Variants in RGS6 observed in about 807,000 individuals in gnomAD.
The protein encoded by RGS6 is regulator of G protein signaling 6.
In RGS6, 30 loss-of-function variants were observed where a neutral mutation model predicts 78.5. The ratio of observed to expected loss-of-function variants is 0.38; its 90% CI spans 0.29 to 0.52. The LOEUF is 0.52. RGS6 is among the 20% of genes least tolerant of loss of function. The probability of loss-of-function intolerance (pLI) is 0.85; values close to 1 mark genes in which losing one functional copy is unlikely to be tolerated. For synonymous variants in RGS6, 206 were observed against 206.0 expected, an observed-to-expected ratio of 1.00 and a Z score of 0.00; for missense variants, 495 against 609.7, an observed-to-expected ratio of 0.81 and a Z score of 1.98.
At chr14:72,103,854 G>A (rs963307193) in intron 2 of RGS6, among the ~76,000 whole-genome samples, 3 of 152,170 alleles carry the variant, frequency 2.0e-5, no homozygotes, top group Non-Finnish European at 2.9e-5. Context: ...AAGGGTGGAG[G>A]AAACAGAGGT....
intron 2 of RGS6, among the ~76,000 whole-genome samples, chr14:72,246,267 A>G (rs2054187205): frequency 6.6e-6 from 1 of 152,190 alleles, no homozygotes; most frequent in Non-Finnish European, 1.5e-5. Context: ...TTGTGTCTCT[A>G]AGCCCTGTGA....
At chr14:72,382,947 G>A (rs993104877) in intron 3 of RGS6, among the ~76,000 whole-genome samples, 5 of 151,808 alleles carry the variant, frequency 3.3e-5, no homozygotes, top group Non-Finnish European at 7.4e-5. Flanking sequence ...ACTTTTGTGG[G>A]GAAAGTAGAC....
At chr14:72,542,619 C>T (rs2097341667) in intron 17 of RGS6, among the ~76,000 whole-genome samples, 1 of 152,114 alleles carries the variant, frequency 6.6e-6, no homozygotes, top group Non-Finnish European at 1.5e-5. Flanking sequence ...GCTCACGGAC[C>T]AAAGACGTGA....
intron 2 of RGS6, among the ~76,000 whole-genome samples, chr14:72,022,670 T>C (rs757898003): frequency 6.6e-6 from 1 of 151,706 alleles, no homozygotes; most frequent in Non-Finnish European, 1.5e-5. Context: ...TCACATACCC[T>C]GCTGTGGAGC....
At chr14:72,184,551 TACA>T (rs1447961988) in intron 2 of RGS6, among the ~76,000 whole-genome samples, 2 of 152,228 alleles carry the variant, frequency 1.3e-5, no homozygotes, top group African/African-American at 4.8e-5. Flanking sequence ...ACTCATTATG[TACA>T]AGTAAACTAT....
At chr14:72,042,900 T>C (rs1379414305) in intron 2 of RGS6, among the ~76,000 whole-genome samples, 1 of 152,180 alleles carries the variant, frequency 6.6e-6, no homozygotes, top group African/African-American at 2.4e-5. Flanking sequence ...ATAAATGATT[T>C]TAGAACTTTT....
rs960657520 is a variant in RGS6 at position 72,189,051 on chromosome 14, C to T, written c.85-163044C>T. Among the ~76,000 whole-genome samples the T allele has an allele frequency of 6.6e-5, 10 of 152,162 alleles. No homozygotes were observed. In the East Asian group the frequency reaches 1.7e-3, roughly 26 times the overall value. ...ATGGCCTAATACAGGTGTTAGCAAACATTTCCCGTACAGGCTCAGATAGTA... is the reference window on the plus strand; with the variant it reads ...ATGGCCTAATACAGGTGTTAGCAAATATTTCCCGTACAGGCTCAGATAGTA... On this transcript the variant is annotated intron_variant, in intron 2 of 17. Transcript: ENST00000553525.
chr14:72,497,628 A>T (rs377120958), intron 13 of RGS6, among the ~76,000 whole-genome samples: 12 of 152,286 alleles, frequency 7.9e-5, no homozygotes, highest in East Asian at 3.9e-4. Context: ...TAGTGAAGTT[A>T]CCTTTGCCTC....
chr14:72,511,818 T>C, intron 14 of RGS6: 2 of 152,342 alleles, frequency 1.3e-5, no homozygotes, highest in Middle Eastern at 6.8e-3. Context: ...CCAGACAAGG[T>C]TGAGTATCTT....
At chr14:72,439,556 G>T (rs1479591790) in intron 3 of RGS6, among the ~76,000 whole-genome samples, 1 of 152,202 alleles carries the variant, frequency 6.6e-6, no homozygotes, top group Non-Finnish European at 1.5e-5. Context: ...ACAAAGCTTA[G>T]CTCTACAAGG....
At chr14:72,591,865 T>C in the RGS6 span, among the ~76,000 whole-genome samples, 5 of 152,162 alleles carry the variant, frequency 3.3e-5, no homozygotes, top group Admixed American at 2.0e-4. Context: ...ACCGTGGACA[T>C]CCTTGGTGGA....
chr14:72,112,132 T>C (rs530970417), intron 2 of RGS6, among the ~76,000 whole-genome samples: 5 of 152,300 alleles, frequency 3.3e-5, no homozygotes, highest in Middle Eastern at 3.4e-3. Context: ...TGGTGGCATT[T>C]ACCATGTTGA....
chr14:72,238,084 G>T (rs1207495607), intron 2 of RGS6, among the ~76,000 whole-genome samples: 3 of 152,160 alleles, frequency 2.0e-5, no homozygotes, highest in Admixed American at 2.0e-4. Context: ...GCTGGAAAGG[G>T]GATGGTGCGG....
At chr14:72,363,473 A>G (rs138407970) in intron 3 of RGS6, among the ~76,000 whole-genome samples, 8 of 152,356 alleles carry the variant, frequency 5.3e-5, no homozygotes, top group Non-Finnish European at 1.2e-4. Context: ...ATTCAAGAGT[A>G]ACTTTTCCAA....
chr14:72,540,156 T>C (rs1226596389), intron 17 of RGS6, 62 bp downstream of exon 17: 4 of 1,479,738 alleles, frequency 2.7e-6, no homozygotes, highest in Non-Finnish European at 3.6e-6. Flanking sequence ...TCTTTCTTCT[T>C]CTTTTTTTTT....
chr14:72,147,638 T>TG (rs1324801963), intron 2 of RGS6, among the ~76,000 whole-genome samples: 1 of 152,054 alleles, frequency 6.6e-6, no homozygotes, highest in Non-Finnish European at 1.5e-5. Context: ...TCGTAGCACA[T>TG]GGGGTACAGA....
chr14:72,056,040 G>A (rs1045314588), intron 2 of RGS6, among the ~76,000 whole-genome samples: 57 of 152,294 alleles, frequency 3.7e-4, no homozygotes, highest in African/African-American at 1.3e-3. Context: ...TTTACAATGC[G>A]GATTTTGATT....
the RGS6 span, among the ~76,000 whole-genome samples, chr14:72,626,497 T>C: frequency 1.3e-5 from 2 of 152,304 alleles, no homozygotes; most frequent in East Asian, 3.9e-4. Context: ...TCCAAATCAA[T>C]TCATAGACAT....
chr14:72,546,630 C>T (rs933098934), intron 17 of RGS6, among the ~76,000 whole-genome samples: 2 of 152,200 alleles, frequency 1.3e-5, no homozygotes, highest in Non-Finnish European at 2.9e-5. Context: ...AATCAGGGCC[C>T]GGTGGAGGCA....
Sources: allele counts gnomAD v4.1 joint callset (sites outside exome capture counted in the v4.1 genomes callset), GRCh38; gene constraint gnomAD v4.1.1; transcripts MANE v1.5; gene names NCBI Gene and HGNC (gene_info 2026-07-23, HGNC 2026-07-21).